OPRM1: variants seen among roughly 807,000 people sequenced by gnomAD.
OPRM1 encodes the protein mu-type opioid receptor.
OPRM1 carries 27 observed loss-of-function variants against 31.8 expected under a neutral mutation model. The ratio of observed to expected loss-of-function variants is 0.85; its 90% CI spans 0.63 to 1.17. The LOEUF (loss-of-function observed/expected upper bound fraction) is 1.17. Ranked by LOEUF, OPRM1 falls within the 50% of genes most tolerant of loss-of-function variation. The pLI is 0.00. For synonymous variants in OPRM1, 196 were observed against 189.9 expected, an observed-to-expected ratio of 1.03 and a Z score of -0.26; for missense variants, 536 against 511.1, an observed-to-expected ratio of 1.05 and a Z score of -0.47.
chr6:154,178,163 T>C (rs555494707), intron 3 of OPRM1, among the ~76,000 whole-genome samples: 100 of 151,946 alleles, frequency 6.6e-4, no homozygotes, highest in Middle Eastern at 3.4e-3. Flanking sequence ...GGGGGAGGGA[T>C]AGCGTTAGGA....
intron 3 of OPRM1, among the ~76,000 whole-genome samples, chr6:154,114,012 G>A (rs954000722): frequency 6.6e-6 from 1 of 152,068 alleles, no homozygotes; most frequent in Admixed American, 6.5e-5. Flanking sequence ...CAGAAGCCTG[G>A]AGTTGAAAAG....
At chr6:154,211,601 C>T (rs1181706305) in intron 3 of OPRM1, among the ~76,000 whole-genome samples, 1 of 151,770 alleles carries the variant, frequency 6.6e-6, no homozygotes, top group Non-Finnish European at 1.5e-5. Flanking sequence ...ATTTTTGAAA[C>T]CAGTGGGAAA....
chr6:154,215,864 T>C (rs777968220), intron 3 of OPRM1, among the ~76,000 whole-genome samples: 2 of 152,072 alleles, frequency 1.3e-5, no homozygotes, highest in Non-Finnish European at 2.9e-5. Flanking sequence ...CTAGACAATA[T>C]GCGAAAAAAA....
chr6:154,192,321 T>C (rs1209888496), intron 3 of OPRM1, among the ~76,000 whole-genome samples: 1 of 82,280 alleles, frequency 1.2e-5, no homozygotes, highest in Admixed American at 1.5e-4. Context: ...GTGGTTACTG[T>C]GTGTGTGTGT....
chr6:154,201,977 T>C lies in OPRM1; in HGVS notation c.1165-44716T>C, dbSNP rs140795588. Among the ~76,000 whole-genome samples, 839 of 152,308 alleles carry C rather than the reference T, an allele frequency of 5.5e-3. 5 individuals are homozygous for C. Among genetic ancestry groups the C allele is most frequent in the African/African-American group, 0.019 (797 of 41,564 alleles). ...GGAAGCCAAAGAGCAAACTAGGATC[T>C]TCTTCAAAAACCCTCAGAATCATTG... On this transcript the variant is annotated intron_variant, in intron 3 of 3. Coordinates refer to the OPRM1 transcript ENST00000337049.
intron 1 of OPRM1, among the ~76,000 whole-genome samples, chr6:154,081,285 C>G (rs1583420187): frequency 1.3e-5 from 2 of 152,146 alleles, no homozygotes; most frequent in Non-Finnish European, 2.9e-5. Context: ...AGGCAGATCA[C>G]GAGGTCAGGA....
intron 3 of OPRM1, among the ~76,000 whole-genome samples, chr6:154,099,664 TACATATATACAC>T (rs1562470732): frequency 6.7e-6 from 1 of 150,072 alleles, no homozygotes; most frequent in Non-Finnish European, 1.5e-5. Context: ...CACATGTATA[TACATATATACAC>T]ACATATATAT....
chr6:154,039,291 A>C lies in OPRM1; in HGVS notation c.-254A>C, dbSNP rs114622967. ...CGCATGGCCCACGCTCCCCTCCTGC[A>C]GCGGTGCGGGGCAGGTGATGAGCCT... On this transcript the variant is annotated 5_prime_UTR_variant, in exon 1 of 4. Transcript: ENST00000330432. The C allele has an allele frequency of 1.3e-3, 2,036 of 1,551,210 alleles. 25 individuals are homozygous for C. The African/African-American group carries it at 0.025, about 19-fold the overall frequency.
intron 1 of OPRM1, among the ~76,000 whole-genome samples, chr6:154,019,193 T>C (rs1246516095): frequency 6.6e-6 from 1 of 151,878 alleles, no homozygotes; most frequent in Admixed American, 6.6e-5. Flanking sequence ...TTTTTTTTTT[T>C]TTTTGGCTTA....
chr6:154,093,234 A>G, intron 3 of OPRM1: 3 of 1,557,978 alleles, frequency 1.9e-6, no homozygotes, highest in Admixed American at 3.7e-5. Flanking sequence ...GAGCAAAATA[A>G]TGGCCATTAT....
chr6:154,188,867 G>GA (rs1801614539), intron 3 of OPRM1, among the ~76,000 whole-genome samples: 1 of 152,058 alleles, frequency 6.6e-6, no homozygotes, highest in Admixed American at 6.5e-5. Flanking sequence ...AATTCCAAGT[G>GA]GACTAACGTT....
intron 3 of OPRM1, among the ~76,000 whole-genome samples, chr6:154,208,559 A>G (rs1777696595): frequency 6.6e-6 from 1 of 152,232 alleles, no homozygotes; most frequent in South Asian, 2.1e-4. Context: ...AACATGAATC[A>G]CAGTCCACTT....
intron 1 of OPRM1, among the ~76,000 whole-genome samples, chr6:154,019,752 T>C (rs111838866): frequency 2.1e-4 from 25 of 120,152 alleles, no homozygotes; most frequent in Middle Eastern, 3.7e-3. Flanking sequence ...CTTTTCTTTT[T>C]TTTTTTTTTT....
chr6:154,152,265 AAGAAAAAGAAAAGG>A (rs1240709543), intron 3 of OPRM1, among the ~76,000 whole-genome samples: 1 of 133,826 alleles, frequency 7.5e-6, no homozygotes, highest in African/African-American at 3.7e-5. Flanking sequence ...AAAAGAAAGA[AAGAAAAAGAAAAGG>A]AAAGAAAAGG....
chr6:154,078,619 C>G (rs1235794185), intron 1 of OPRM1, among the ~76,000 whole-genome samples: 1 of 152,102 alleles, frequency 6.6e-6, no homozygotes, highest in Non-Finnish European at 1.5e-5. Flanking sequence ...ACCTATAATC[C>G]CAGCATTTTG....
chr6:154,120,375 GA>G lies in OPRM1; in HGVS notation c.*1660del. ...CTCAACCCACGTATCCAGTAGATGG[GA>G]AAAAACAAAAGCCAAAATAAGTTTT... On this transcript the variant is annotated 3_prime_UTR_variant, in exon 4 of 4. Transcript: ENST00000330432. 6.6e-6 allele frequency among the ~76,000 whole-genome samples: 1 copy of G among 152,132 alleles called. No individual in the cohort carries two copies. The highest frequency in any genetic ancestry group is 2.1e-4 in the South Asian group (1 of 4,822).
intron 3 of OPRM1, among the ~76,000 whole-genome samples, chr6:154,178,585 ATAAC>A (rs1216399875): frequency 6.6e-6 from 1 of 152,240 alleles, no homozygotes; most frequent in Non-Finnish European, 1.5e-5. Flanking sequence ...CTTCCAATAA[ATAAC>A]TAAACTTTAA....
At chr6:154,179,512 T>C (rs1800655060) in intron 3 of OPRM1, among the ~76,000 whole-genome samples, 1 of 152,156 alleles carries the variant, frequency 6.6e-6, no homozygotes, top group South Asian at 2.1e-4. Context: ...CCCCCTTATC[T>C]TCTGAAGCAA....
intron 3 of OPRM1, among the ~76,000 whole-genome samples, chr6:154,173,274 C>T (rs1800024993): frequency 6.6e-6 from 1 of 152,134 alleles, no homozygotes; most frequent in African/African-American, 2.4e-5. Flanking sequence ...TCCAAAGGAA[C>T]ACAACTCCTC....
Sources: gnomAD v4.1 joint callset for allele counts (sites outside exome capture counted in the v4.1 genomes callset) on GRCh38, gnomAD v4.1.1 for gene constraint, MANE v1.5 for transcripts, NCBI Gene and HGNC (gene_info 2026-07-23, HGNC 2026-07-21) for gene names.